CBFA2T3: variants seen among roughly 807,000 people sequenced by gnomAD.
CBFA2T3 encodes CBFA2/RUNX1 partner transcriptional co-repressor 3, also known as transcriptional corepressor CBFA2T3.
In CBFA2T3, 31 loss-of-function variants were observed where a neutral mutation model predicts 58.6. That is an observed-to-expected ratio of 0.53 (90% confidence interval 0.40 to 0.71). CBFA2T3 has a LOEUF of 0.71. CBFA2T3 is among the 30% of genes least tolerant of loss of function. CBFA2T3 has a pLI of 0.00. For missense variants in CBFA2T3, 1,076 were observed against 963.1 expected, an observed-to-expected ratio of 1.12 and a Z score of -1.55; for synonymous variants, 531 against 421.9, an observed-to-expected ratio of 1.26 and a Z score of -3.17.
intron 1 of CBFA2T3, among the ~76,000 whole-genome samples, chr16:88,913,649 G>A (rs1342763464): frequency 1.3e-5 from 2 of 152,162 alleles, no homozygotes; most frequent in East Asian, 1.9e-4. Context: ...CCGTGGGGGG[G>A]TCTCAGCCGG....
chr16:88,879,089 A>G (rs1339089243), intron 11 of CBFA2T3, among the ~76,000 whole-genome samples, 181 bp downstream of exon 11: 2 of 152,238 alleles, frequency 1.3e-5, no homozygotes, highest in Non-Finnish European at 2.9e-5. Context: ...CGCCTCACTG[A>G]ACCATGTGGG....
chr16:88,934,229 C>T (rs1344120666), intron 1 of CBFA2T3, among the ~76,000 whole-genome samples: 1 of 151,382 alleles, frequency 6.6e-6, no homozygotes, highest in African/African-American at 2.4e-5. Flanking sequence ...AAGGGCTGCC[C>T]CATGCCCCTC....
At position 88,928,333 on chromosome 16, in the gene CBFA2T3, G is replaced by A. The variant is rs138832786; in HGVS notation, c.152-26677C>T. Among the ~76,000 whole-genome samples the A allele has an allele frequency of 4.1e-3, 618 of 152,352 alleles. 5 individuals carry two copies. Among genetic ancestry groups the A allele is most frequent in the African/African-American group, 0.014 (600 of 41,584 alleles). ...CCCCTACTCCCTGGCCTTGGGGGCC[G>A]ATGACCAGGTGGAGCGGGCCCGGTC... On this transcript the variant is annotated intron_variant, in intron 1 of 11. Transcript: ENST00000268679.
chr16:88,882,264 G>A (rs1245690090), intron 8 of CBFA2T3, among the ~76,000 whole-genome samples: 4 of 152,368 alleles, frequency 2.6e-5, no homozygotes, highest in East Asian at 1.9e-4. Context: ...GCAGAGCCAT[G>A]GCCGTGTTTA....
intron 1 of CBFA2T3, among the ~76,000 whole-genome samples, chr16:88,975,940 G>A (rs113629998): frequency 6.6e-6 from 1 of 152,262 alleles, no homozygotes; most frequent in Non-Finnish European, 1.5e-5. Context: ...GGTTCCGACG[G>A]CTGCTGGGAG....
At chr16:88,955,365 T>C (rs370492951) in intron 1 of CBFA2T3, among the ~76,000 whole-genome samples, 24 of 1,788 alleles carry the variant, frequency 0.013, no homozygotes, top group Admixed American at 0.023. Context: ...GGCTCCTGAC[T>C]CCACCCAAGG....
chr16:88,935,425 T>G (rs1374857628), intron 1 of CBFA2T3, among the ~76,000 whole-genome samples: 1 of 152,150 alleles, frequency 6.6e-6, no homozygotes, highest in Non-Finnish European at 1.5e-5. Context: ...CCAAGTCAGG[T>G]GGCCTCGGCT....
At chr16:88,904,156 G>A (rs775536832) in intron 1 of CBFA2T3, among the ~76,000 whole-genome samples, 1 of 152,226 alleles carries the variant, frequency 6.6e-6, no homozygotes, top group African/African-American at 2.4e-5. Flanking sequence ...CCCGAAGCTA[G>A]AGCAGACAGT....
chr16:88,890,076 G>A (rs553615248), intron 5 of CBFA2T3, among the ~76,000 whole-genome samples: 30 of 150,374 alleles, frequency 2.0e-4, no homozygotes, highest in African/African-American at 5.9e-4. Context: ...ACGATGCCCC[G>A]CGATTCCTCC....
Position 88,876,419 on chromosome 16 carries a change from C to T in CBFA2T3, c.*557G>A, listed in dbSNP as rs139316161. 3.7e-3 allele frequency: 854 copies of T among 230,358 alleles called. 4 individuals carry two copies. The highest frequency in any genetic ancestry group is 5.4e-3 in the Non-Finnish European group (628 of 116,290). 14.3% of individuals were successfully genotyped at this position (230,358 alleles called of 1,614,324 possible). Reference sequence around the variant, plus strand: ...GGGTTCAGATCTCCAGCTATAAAATCGCAGTTTTCTTTCTCCCTTTTTAAT... The same window carrying T: ...GGGTTCAGATCTCCAGCTATAAAATTGCAGTTTTCTTTCTCCCTTTTTAAT... On this transcript the variant is annotated 3_prime_UTR_variant, in exon 12 of 12. Transcript: ENST00000268679.
rs533757876 is a variant in CBFA2T3, at chr16:88,956,734, C to T, written c.151+19923G>A. ...CCCTGGGAGAAAGAGGCGCTCCAGG[C>T]GTGGGCGGCGGGGGCTGGCATCTGC... On this transcript the variant is annotated intron_variant, in intron 1 of 11. Transcript: ENST00000268679. 1.1e-3 allele frequency among the ~76,000 whole-genome samples: 173 copies of T among 152,318 alleles called. 2 individuals carry two copies. In the South Asian group the frequency reaches 0.02, roughly 18 times the overall value.
chr16:88,973,699 G>A (rs1972714846), intron 1 of CBFA2T3, among the ~76,000 whole-genome samples: 1 of 152,186 alleles, frequency 6.6e-6, no homozygotes, highest in Non-Finnish European at 1.5e-5. Context: ...GCCACTTGAG[G>A]GGATGGAGGA....
chr16:88,908,522 C>T (rs1970414607), intron 1 of CBFA2T3, among the ~76,000 whole-genome samples: 1 of 152,148 alleles, frequency 6.6e-6, no homozygotes, highest in Non-Finnish European at 1.5e-5. Flanking sequence ...AAAGAGCCTG[C>T]AATGTGCCGG....
At chr16:88,922,681 C>T (rs1490657466) in intron 1 of CBFA2T3, among the ~76,000 whole-genome samples, 1 of 152,230 alleles carries the variant, frequency 6.6e-6, no homozygotes, top group Non-Finnish European at 1.5e-5. Flanking sequence ...TGGGCAAATC[C>T]CGCCTACAGG....
chr16:88,969,332 T>A (rs182610808), intron 1 of CBFA2T3, among the ~76,000 whole-genome samples: 30 of 152,226 alleles, frequency 2.0e-4, no homozygotes, highest in African/African-American at 7.0e-4. Flanking sequence ...TGGGGTGAAT[T>A]CTCCAGTTCC....
chr16:88,885,217 T>C lies in CBFA2T3; in HGVS notation c.946A>G (p.Lys316Glu). The change falls in exon 7 of 12, where the codon AAA becomes GAA. Residue 316 changes from lysine (K) to glutamate (E), a missense_variant. Transcript: ENST00000268679. This position sits in a 1 kb window ranked among gnomAD's most constrained non-coding sequence, Gnocchi z 5.3. ...RDPLHPEHLS[K>E]RPCTLNPAQR... ...GCAGGGTTCAGGGTGCATGGCCGTTTGCTGAGGTGCTCGGGGTGCAGCGGG... is the reference window on the plus strand; with the variant it reads ...GCAGGGTTCAGGGTGCATGGCCGTTCGCTGAGGTGCTCGGGGTGCAGCGGG... 6.3e-7 allele frequency: 1 copy of C among 1,593,336 alleles called. No individual in the cohort carries two copies. Among genetic ancestry groups the C allele is most frequent in the Non-Finnish European group, 8.6e-7 (1 of 1,166,686 alleles).
chr16:88,969,225 C>T (rs1972588281), intron 1 of CBFA2T3, among the ~76,000 whole-genome samples: 1 of 152,228 alleles, frequency 6.6e-6, no homozygotes, highest in Non-Finnish European at 1.5e-5. Flanking sequence ...CCCTCCCCCA[C>T]TCTGTCCCCC....
At chr16:88,920,356 A>G (rs2142733689) in intron 1 of CBFA2T3, among the ~76,000 whole-genome samples, 1 of 152,224 alleles carries the variant, frequency 6.6e-6, no homozygotes, top group South Asian at 2.1e-4. Context: ...GCCTCACTGC[A>G]ACCTCTGCCT....
At chr16:88,914,877 C>T (rs1327879108) in intron 1 of CBFA2T3, among the ~76,000 whole-genome samples, 1 of 152,180 alleles carries the variant, frequency 6.6e-6, no homozygotes, top group Non-Finnish European at 1.5e-5. Context: ...AAAGGAAGCA[C>T]ATTCCTTGCC....
Sources: gnomAD v4.1 joint callset for allele counts (sites outside exome capture counted in the v4.1 genomes callset) on GRCh38, gnomAD v4.1.1 for gene constraint, Gnocchi (gnomAD v3.1) non-coding constraint, MANE v1.5 for transcripts, NCBI Gene and HGNC (gene_info 2026-07-23, HGNC 2026-07-21) for gene names.